The following WDFY4 variants were observed in gnomAD, a reference collection of about 807,000 sequenced individuals.
WDFY4 encodes WDFY family member 4.
In WDFY4, 169 loss-of-function variants were observed where a neutral mutation model predicts 351.9. That is an observed-to-expected ratio of 0.48 (90% CI 0.42 to 0.55). The LOEUF is 0.55. Among genes scored for constraint, WDFY4 ranks in the 20% least tolerant of loss-of-function variants. WDFY4 has a pLI of 0.00. For synonymous variants in WDFY4, 1,622 were observed against 1,574.6 expected, an observed-to-expected ratio of 1.03 and a Z score of -0.71; for missense variants, 3,803 against 3,935.6, an observed-to-expected ratio of 0.97 and a Z score of 0.90.
chr10:48,821,071 G>A lies in WDFY4; in HGVS notation c.5719G>A (p.Asp1907Asn), dbSNP rs573173155. 16 of 1,551,594 alleles carry A rather than the reference G, an allele frequency of 1.0e-5. No individual in the cohort carries two copies. The South Asian group carries it at 1.7e-4, about 16-fold the overall frequency. ...PLEVLLEASP[D>N]HATSQQKRDF... ...CGGGCTGTGCTTCCAGGCTTCTCCA[G>A]ACCACGCCACCAGCCAACAGAAGCG... Residue 1907 changes from aspartate to asparagine, a missense_variant, in exon 34 of 62, where the codon GAC (aspartate) becomes AAC (asparagine). Coordinates refer to ENST00000325239, the MANE Select transcript of WDFY4 (RefSeq NM_001394531.1).
At chr10:48,691,657 T>C (rs919086880) in intron 1 of WDFY4, among the ~76,000 whole-genome samples, 1 of 152,218 alleles carries the variant, frequency 6.6e-6, no homozygotes, top group Non-Finnish European at 1.5e-5. Flanking sequence ...TAAAGAGAAA[T>C]ATTTGTTGAT....
intron 11 of WDFY4, 91 bp downstream of exon 11, chr10:48,736,161 A>G: frequency 6.9e-7 from 1 of 1,456,490 alleles, no homozygotes; most frequent in Non-Finnish European, 9.4e-7. Flanking sequence ...CATGTAATTC[A>G]GTTAGCCACT....
intron 42 of WDFY4, 107 bp from the exon 43 acceptor site, chr10:48,876,926 C>A: frequency 8.4e-7 from 1 of 1,186,418 alleles, no homozygotes; most frequent in Non-Finnish European, 1.1e-6. Flanking sequence ...TTCACTTCGG[C>A]CCTGGAGCCT....
chr10:48,843,305 G>A (rs1346150206), intron 39 of WDFY4, among the ~76,000 whole-genome samples: 1 of 152,148 alleles, frequency 6.6e-6, no homozygotes, highest in Non-Finnish European at 1.5e-5. Context: ...ATATATGAAG[G>A]CTGTGATTGA....
intron 47 of WDFY4, chr10:48,913,289 G>T: frequency 9.1e-7 from 1 of 1,097,090 alleles, no homozygotes; most frequent in Non-Finnish European, 1.3e-6. Context: ...TGAAAGAGCT[G>T]CTGCAGCCAC....
intron 50 of WDFY4, 132 bp from the exon 51 acceptor site, chr10:48,946,728 A>G: frequency 1.5e-6 from 1 of 669,650 alleles, no homozygotes; most frequent in Non-Finnish European, 2.6e-6. Context: ...GTTTTACTTT[A>G]GGTCTGTTCA....
intron 1 of WDFY4, among the ~76,000 whole-genome samples, chr10:48,704,798 C>T (rs550634846): frequency 4.4e-4 from 67 of 152,370 alleles, no homozygotes; most frequent in African/African-American, 1.6e-3. Context: ...ACCTCAGTAC[C>T]AGCTGTGGAC....
At chr10:48,787,965 T>C (rs796195166) in intron 20 of WDFY4, among the ~76,000 whole-genome samples, 24 of 93,412 alleles carry the variant, frequency 2.6e-4, no homozygotes, top group South Asian at 7.6e-4. Flanking sequence ...TTCTTCTTCT[T>C]CTTCTTCTTC....
chr10:48,879,514 C>A (rs966180545), intron 43 of WDFY4, among the ~76,000 whole-genome samples: 2 of 152,212 alleles, frequency 1.3e-5, no homozygotes, highest in Non-Finnish European at 2.9e-5. Flanking sequence ...CTATCTCTGC[C>A]AGAAGAAATT....
At chr10:48,949,806 G>A (rs904758566) in intron 51 of WDFY4, among the ~76,000 whole-genome samples, 4 of 152,252 alleles carry the variant, frequency 2.6e-5, no homozygotes, top group African/African-American at 9.6e-5. Context: ...TGAGCCTGGG[G>A]CTCATGTCCC....
At chr10:48,845,169 A>AGCCG (rs1206553026) in intron 39 of WDFY4, among the ~76,000 whole-genome samples, 1 of 152,166 alleles carries the variant, frequency 6.6e-6, no homozygotes, top group African/African-American at 2.4e-5. Flanking sequence ...AGGTGGCAGG[A>AGCCG]GCCGGCCACC....
chr10:48,759,055 T>C (rs1480661272), intron 12 of WDFY4, among the ~76,000 whole-genome samples: 2 of 149,930 alleles, frequency 1.3e-5, no homozygotes, highest in African/African-American at 4.9e-5. Context: ...ATATATATCT[T>C]AAGGTAGGGA....
intron 1 of WDFY4, among the ~76,000 whole-genome samples, chr10:48,687,010 C>G (rs2063068307): frequency 6.6e-6 from 1 of 152,126 alleles, no homozygotes; most frequent in Non-Finnish European, 1.5e-5. Flanking sequence ...TCTGTTGCTC[C>G]ACTTCTTCAT....
At chr10:48,895,549 T>C (rs1424719491) in intron 44 of WDFY4, among the ~76,000 whole-genome samples, 1 of 152,190 alleles carries the variant, frequency 6.6e-6, no homozygotes, top group Non-Finnish European at 1.5e-5. Flanking sequence ...TGTGGTTGTA[T>C]ACACAATTTA....
At position 48,730,864 on chromosome 10, in the gene WDFY4, T is replaced by A. The variant is rs182189091; in HGVS notation, c.1130-246T>A. ...TGTATTATCTTTTTGAAATCTAATG[T>A]GTATTTGATGTTCATGGCACATGTC... On this transcript the variant is annotated intron_variant, in intron 8 of 61. Transcript: ENST00000325239. 1.7e-4 allele frequency among the ~76,000 whole-genome samples: 26 copies of A among 152,358 alleles called. No homozygotes were observed. In the East Asian group the frequency reaches 4.8e-3, roughly 28 times the overall value.
chr10:48,920,129 A>AG (rs1356375990), intron 47 of WDFY4, among the ~76,000 whole-genome samples: 1 of 152,230 alleles, frequency 6.6e-6, no homozygotes, highest in East Asian at 1.9e-4. Context: ...AAAAGAAAAA[A>AG]AAAAGATCTT....
At chr10:48,974,314 C>T (rs1486466882) in intron 57 of WDFY4, among the ~76,000 whole-genome samples, 2 of 151,850 alleles carry the variant, frequency 1.3e-5, no homozygotes, top group Non-Finnish European at 2.9e-5. Flanking sequence ...ACCAGCCTGG[C>T]TAACTTGGTG....
rs2133047652 is a variant in WDFY4 at position 48,828,843 on chromosome 10, C to T, written c.6287C>T (p.Ser2096Phe). The T allele has an allele frequency of 1.3e-6, 2 of 1,540,476 alleles. No homozygotes were observed. Among genetic ancestry groups the T allele is most frequent in the Non-Finnish European group, 1.7e-6 (2 of 1,143,608 alleles). ...RMSTYHQVFL[S>F]PNEDVKEKRE... ...TCTACTTATCATCAAGTCTTCCTTTCCCCAAATGAAGACGTGAAAGAAAAA... is the reference window on the plus strand; with the variant it reads ...TCTACTTATCATCAAGTCTTCCTTTTCCCAAATGAAGACGTGAAAGAAAAA... The change falls in exon 37 of 62, where the codon TCC becomes TTC. Residue 2096 changes from serine to phenylalanine, a missense_variant. Ser to Phe is a radical substitution (Grantham distance 155). Transcript: ENST00000325239.
chr10:48,776,941 G>T lies in WDFY4; in HGVS notation c.3055G>T (p.Ala1019Ser). Reference sequence around the variant, plus strand: ...CCTGCAGCCTCAGAGGGCAGCCCTGGCCCCATCGTTTGTGGAATTTGACAT... The same window carrying T: ...CCTGCAGCCTCAGAGGGCAGCCCTGTCCCCATCGTTTGTGGAATTTGACAT... ...RNLQPQRAAL[A>S]PSFVEFDMSV... The change falls in exon 16 of 62, where the codon GCC (alanine) becomes TCC (serine). Residue 1019 changes from alanine (A) to serine (S), a missense_variant. Transcript: ENST00000325239. The T allele has an allele frequency of 1.3e-6, 2 of 1,552,348 alleles. No individual in the cohort carries two copies. The highest frequency in any genetic ancestry group is 8.7e-7 in the Non-Finnish European group (1 of 1,147,114).
Sources: gnomAD v4.1 joint callset for allele counts (sites outside exome capture counted in the v4.1 genomes callset) on GRCh38, gnomAD v4.1.1 for gene constraint, MANE v1.5 for transcripts, NCBI Gene and HGNC (gene_info 2026-07-23, HGNC 2026-07-21) for gene names.